The following KDM4C variants were observed in gnomAD, a reference collection of about 807,000 sequenced individuals.
KDM4C encodes the protein lysine-specific demethylase 4C.
In KDM4C, 81 loss-of-function variants were observed where a neutral mutation model predicts 129.3. The ratio of observed to expected loss-of-function variants is 0.63; its 90% CI spans 0.52 to 0.75. KDM4C has a LOEUF of 0.75. Among genes scored for constraint, KDM4C ranks in the 30% least tolerant of loss-of-function variants. The pLI, the probability that KDM4C is intolerant of heterozygous loss-of-function variation, is 0.00. For missense variants in KDM4C, 1,457 were observed against 1,304.0 expected (o/e 1.12, Z -1.81); for synonymous variants, 573 against 456.1 (o/e 1.26, Z -3.26).
At chr9:7,014,192 T>C in intron 14 of KDM4C, 191 bp downstream of exon 14, 1 of 556,538 alleles carries the variant, frequency 1.8e-6, no homozygotes. Flanking sequence ...ACCACTTTCA[T>C]GTAGTATCCG....
intron 19 of KDM4C, among the ~76,000 whole-genome samples, chr9:7,148,420 C>T (rs1470640263): frequency 6.6e-6 from 1 of 152,192 alleles, no homozygotes; most frequent in Non-Finnish European, 1.5e-5. Flanking sequence ...CCTGGCCCCA[C>T]AGCTCTTTCC....
intron 18 of KDM4C, among the ~76,000 whole-genome samples, chr9:7,121,161 T>G (rs980592447): frequency 1.3e-5 from 2 of 152,322 alleles, no homozygotes; most frequent in East Asian, 3.9e-4. Flanking sequence ...GATAACTATT[T>G]AGCTCATGAT....
intron 1 of KDM4C, among the ~76,000 whole-genome samples, chr9:6,736,696 C>G (rs1335857877): frequency 6.6e-6 from 1 of 152,132 alleles, no homozygotes; most frequent in Non-Finnish European, 1.5e-5. Flanking sequence ...GGCTCTGTCC[C>G]AAAGCTCCTA....
At chr9:6,786,609 A>G (rs1364232871) in intron 1 of KDM4C, among the ~76,000 whole-genome samples, 1 of 152,158 alleles carries the variant, frequency 6.6e-6, no homozygotes, top group Non-Finnish European at 1.5e-5. Context: ...TGTGACTTGG[A>G]AACATTACTG....
At chr9:6,918,905 G>T (rs902935750) in intron 8 of KDM4C, among the ~76,000 whole-genome samples, 1 of 151,846 alleles carries the variant, frequency 6.6e-6, no homozygotes, top group South Asian at 2.1e-4. Context: ...AGACTGGAGC[G>T]CAGTGGCACA....
In KDM4C at chr9:7,022,429, A is replaced by G. The variant is rs555837677; in HGVS notation, c.2259+6500A>G. Among the ~76,000 whole-genome samples, 9 of 152,098 alleles carry G rather than the reference A, an allele frequency of 5.9e-5. 2 individuals carry two copies. The highest frequency in any genetic ancestry group is 1.9e-4 in the African/African-American group (8 of 41,540). ...CTTTGTAGCTACTGTAAATGGGATT[A>G]CTTTCTTGATTTCTTTTTTAGATTG... On this transcript the variant is annotated intron_variant, in intron 15 of 21. Transcript: ENST00000381309.
chr9:6,896,905 G>GCCCT (rs1387544557), intron 8 of KDM4C, among the ~76,000 whole-genome samples: 6 of 152,176 alleles, frequency 3.9e-5, no homozygotes, highest in Non-Finnish European at 7.3e-5. Flanking sequence ...CTGGAGAGGG[G>GCCCT]GCTCCTGTGG....
chr9:7,157,848 A>G (rs1171926113), intron 19 of KDM4C, among the ~76,000 whole-genome samples: 5 of 152,202 alleles, frequency 3.3e-5, no homozygotes, highest in African/African-American at 9.7e-5. Context: ...AGGCTTTGGT[A>G]TCAGGATGAT....
intron 1 of KDM4C, chr9:6,723,871 A>T (rs1009222645): frequency 6.6e-6 from 1 of 152,292 alleles, no homozygotes; most frequent in Non-Finnish European, 1.5e-5. Flanking sequence ...TGAACAGTTC[A>T]CATACCCAAA....
intron 17 of KDM4C, among the ~76,000 whole-genome samples, chr9:7,052,081 G>A (rs961238477): frequency 6.6e-6 from 1 of 152,144 alleles, no homozygotes; most frequent in Non-Finnish European, 1.5e-5. Context: ...AGAATATCTT[G>A]GTTGGAAGAA....
chr9:7,142,988 A>G (rs187980578), intron 19 of KDM4C, among the ~76,000 whole-genome samples: 1 of 152,122 alleles, frequency 6.6e-6, no homozygotes, highest in Non-Finnish European at 1.5e-5. Context: ...ATGATGTTTA[A>G]AGTTTGCAAG....
chr9:6,920,283 G>T (rs925982537), intron 8 of KDM4C, among the ~76,000 whole-genome samples: 3 of 152,038 alleles, frequency 2.0e-5, no homozygotes, highest in African/African-American at 7.2e-5. Context: ...CTGAAAAACA[G>T]TTCAAAAAAG....
At chr9:7,025,761 T>A (rs1825703969) in intron 15 of KDM4C, among the ~76,000 whole-genome samples, 1 of 152,240 alleles carries the variant, frequency 6.6e-6, no homozygotes, top group Non-Finnish European at 1.5e-5. Flanking sequence ...GGTTCATCTT[T>A]TAGTCTTTCT....
intron 5 of KDM4C, among the ~76,000 whole-genome samples, chr9:6,873,915 C>T (rs917739677): frequency 1.9e-4 from 21 of 112,982 alleles, no homozygotes; most frequent in Admixed American, 1.7e-3. Context: ...AGAGAGAGAG[C>T]GAGAGAGAGA....
intron 1 of KDM4C, among the ~76,000 whole-genome samples, chr9:6,772,503 A>C (rs1330951013): frequency 6.6e-6 from 1 of 152,132 alleles, no homozygotes; most frequent in Non-Finnish European, 1.5e-5. Context: ...GTGGGATTAC[A>C]GGCATGCACC....
intron 5 of KDM4C, among the ~76,000 whole-genome samples, chr9:6,879,227 T>A (rs58099275): frequency 0.015 from 2,300 of 152,314 alleles, 61 homozygotes; most frequent in African/African-American, 0.052. Flanking sequence ...AAATTTATTG[T>A]TAATATCCTC....
chr9:7,012,746 T>C (rs1822941203), intron 13 of KDM4C, among the ~76,000 whole-genome samples: 1 of 152,226 alleles, frequency 6.6e-6, no homozygotes, highest in Non-Finnish European at 1.5e-5. Context: ...TTTAGGAATC[T>C]CGTAAGGGTG....
intron 17 of KDM4C, among the ~76,000 whole-genome samples, chr9:7,072,513 C>T (rs927472963): frequency 3.3e-5 from 5 of 152,162 alleles, no homozygotes; most frequent in Admixed American, 1.3e-4. Context: ...GTGAAAGATG[C>T]CTGACTCAAA....
intron 3 of KDM4C, among the ~76,000 whole-genome samples, chr9:6,808,062 C>T (rs1485878293): frequency 4.4e-5 from 4 of 90,328 alleles, no homozygotes; most frequent in African/African-American, 2.3e-4. Flanking sequence ...CCGGCCGCCC[C>T]TGCTGGGAAG....
Sources: allele counts gnomAD v4.1 joint callset (sites outside exome capture counted in the v4.1 genomes callset), GRCh38; gene constraint gnomAD v4.1.1; transcripts MANE v1.5; gene names NCBI Gene and HGNC (gene_info 2026-07-23, HGNC 2026-07-21).